Variants in FANCA observed in about 807,000 individuals in gnomAD.
FANCA encodes FA complementation group A.
A neutral mutation model predicts 194.3 loss-of-function variants in FANCA; 236 were observed. That is an observed-to-expected ratio of 1.21 (90% CI 1.09 to 1.35). The LOEUF (loss-of-function observed/expected upper bound fraction) is 1.35, where lower values mean the gene tolerates loss of function less well. FANCA is among the 40% of genes most tolerant of loss of function. The pLI is 0.00. For synonymous variants in FANCA, 1,014 were observed against 715.8 expected (o/e 1.42, Z -6.65); for missense variants, 2,628 against 1,813.9 (o/e 1.45, Z -8.15).
At position 89,792,505 on chromosome 16, in the gene FANCA, C is replaced by T. The variant is rs199967286; in HGVS notation, c.1049G>A (p.Arg350Gln). The T allele has an allele frequency of 1.6e-4, 264 of 1,613,430 alleles. 2 individuals are homozygous for T. The East Asian group carries it at 5.0e-3, about 31-fold the overall frequency. The change falls in exon 12 of 43, where the codon CGG (arginine) becomes CAG (glutamine). Residue 350 changes from arginine to glutamine, a missense_variant. Physicochemically the swap from Arg to Gln is conservative, Grantham distance 43 (BLOSUM62 1). Transcript: ENST00000389301. ...CAGTGAGGTGAGCAGAGGGTGTGTCCGCGCAAAGCTCCACTCTCTCTGCAT... is the reference window on the plus strand; with the variant it reads ...CAGTGAGGTGAGCAGAGGGTGTGTCTGCGCAAAGCTCCACTCTCTCTGCAT... The part of the protein sequence containing the change: ...VQMQREWSFA[R>Q]THPLLTSLYR...
intron 10 of FANCA, 122 bp from the exon 11 acceptor site, chr16:89,796,140 G>A: frequency 1.3e-6 from 1 of 761,238 alleles, no homozygotes; most frequent in Non-Finnish European, 2.3e-6. Flanking sequence ...GGCTTTCTTG[G>A]CCAGGCCACT....
chr16:89,738,781 G>A (rs1219566699), intron 42 of FANCA, 73 bp from the exon 43 acceptor site: 4 of 1,612,684 alleles, frequency 2.5e-6, no homozygotes, highest in South Asian at 1.1e-5. Flanking sequence ...GGCTCTGGCA[G>A]AAATAGTCGA....
intron 20 of FANCA, 38 bp from the exon 21 acceptor site, chr16:89,775,853 G>A (rs755924679): frequency 2.2e-6 from 3 of 1,376,002 alleles, no homozygotes; most frequent in Non-Finnish European, 2.1e-6. Context: ...AGTCAGCTAT[G>A]GCTTAAATTA....
chr16:89,790,739 C>CAA (rs760772909), intron 14 of FANCA, among the ~76,000 whole-genome samples: 1 of 134,992 alleles, frequency 7.4e-6, no homozygotes, highest in Non-Finnish European at 1.6e-5. Context: ...GACTCCATCT[C>CAA]AAAAAAAAAA....
At chr16:89,798,150 G>A (rs2040312098) in intron 10 of FANCA, among the ~76,000 whole-genome samples, 1 of 152,116 alleles carries the variant, frequency 6.6e-6, no homozygotes, top group Non-Finnish European at 1.5e-5. Context: ...CAGAGGGCTT[G>A]CTCTCCCCTC....
rs2062027513 is a variant in FANCA, at chr16:89,738,576, G to A, written c.*25C>T. The A allele has an allele frequency of 1.9e-6, 3 of 1,612,946 alleles. No individual in the cohort carries two copies. The highest frequency in any genetic ancestry group is 1.3e-5 in the African/African-American group (1 of 74,912). On this transcript the variant is annotated 3_prime_UTR_variant, in exon 43 of 43. Coordinates refer to ENST00000389301, the MANE Select transcript of FANCA (RefSeq NM_000135.4). ...TAATAAATTATTTACACGGGAGCTGGGCTGGTGTGCAGTGGCAGGTCCCGT... is the reference window on the plus strand; with the variant it reads ...TAATAAATTATTTACACGGGAGCTGAGCTGGTGTGCAGTGGCAGGTCCCGT...
chr16:89,762,006 C>G lies in FANCA; in HGVS notation c.2795G>C (p.Trp932Ser). 1 of 1,613,870 alleles carries G rather than the reference C, an allele frequency of 6.2e-7. No individual in the cohort carries two copies. Among genetic ancestry groups the G allele is most frequent in the South Asian group, 1.1e-5 (1 of 91,076 alleles). ...EEDVHLTYQD[W>S]LHLELEIQPE... The stretch of plus-strand genomic sequence containing the variant: ...TTGAATTTCCAGCTCCAGGTGTAAC[C>G]AGTCTTGGTAAGTTAACTGAGAAAG... The change falls in exon 29 of 43, where the codon TGG (tryptophan) becomes TCG (serine). Residue 932 changes from tryptophan to serine, a missense_variant. Physicochemically the swap from Trp to Ser is radical, Grantham distance 177. Coordinates refer to ENST00000389301, the MANE Select transcript of FANCA (RefSeq NM_000135.4).
At chr16:89,760,979 C>A (rs574858136) in intron 29 of FANCA, among the ~76,000 whole-genome samples, 1 of 152,208 alleles carries the variant, frequency 6.6e-6, no homozygotes, top group Non-Finnish European at 1.5e-5. Flanking sequence ...TTATACGTGC[C>A]ACATCTGCCC....
intron 26 of FANCA, among the ~76,000 whole-genome samples, chr16:89,767,828 A>G (rs988998212): frequency 2.0e-4 from 30 of 152,124 alleles, no homozygotes; most frequent in African/African-American, 6.8e-4. Flanking sequence ...GCTTACAGGC[A>G]TGAGTCACTG....
rs755293596 is a variant in FANCA, at chr16:89,773,285, G to A, written c.2000C>T (p.Pro667Leu). ...TCCATCCTCACCATCACGCTGGCTGGGGTCTGTCATGGAGGCTCTCAGCTC... is the reference window on the plus strand; with the variant it reads ...TCCATCCTCACCATCACGCTGGCTGAGGTCTGTCATGGAGGCTCTCAGCTC... Reference protein sequence around the residue: ...LGELRASMTDPSQRDVISAQV... With the variant: ...LGELRASMTDLSQRDVISAQV... Residue 667 changes from proline to leucine, a missense_variant, in exon 22 of 43, where the codon CCC becomes CTC. Coordinates refer to ENST00000389301, the MANE Select transcript of FANCA (RefSeq NM_000135.4). The A allele has an allele frequency of 6.4e-7, 1 of 1,550,912 alleles. No individual in the cohort carries two copies. Among genetic ancestry groups the A allele is most frequent in the Non-Finnish European group, 8.7e-7 (1 of 1,146,712 alleles).
In FANCA at chr16:89,775,891, T is replaced by C. The variant is rs150739896; in HGVS notation, c.1827-76A>G. 4.1e-4 allele frequency: 372 copies of C among 908,582 alleles called. 3 individuals carry two copies. In the African/African-American group the frequency reaches 4.9e-3, roughly 12 times the overall value. The allele number at this position is 908,582 out of a possible 1,614,324, so 56.3% of individuals were successfully genotyped here. The stretch of plus-strand genomic sequence containing the variant: ...TCAAGATTACAATCCCCAAATCTAT[T>C]ATAAAATAAAAACATATTAAATTTA... On this transcript the variant is annotated intron_variant, in intron 20 of 42. Coordinates refer to ENST00000389301, the MANE Select transcript of FANCA (RefSeq NM_000135.4).
At chr16:89,779,130 T>A (rs2039616703) in intron 18 of FANCA, 127 bp from the exon 19 acceptor site, 4 of 864,744 alleles carry the variant, frequency 4.6e-6, no homozygotes, top group Admixed American at 4.0e-5. Context: ...CATTATGAAG[T>A]CTTCTTGTGC....
intron 20 of FANCA, chr16:89,778,573 A>G (rs1598126477): frequency 4.0e-6 from 2 of 498,328 alleles, no homozygotes; most frequent in Non-Finnish European, 7.0e-6. Flanking sequence ...GGTTGCAGTG[A>G]GCCAAGATCT....
intron 3 of FANCA, among the ~76,000 whole-genome samples, chr16:89,812,656 A>AAC (rs1412042255): frequency 0.011 from 1,515 of 141,440 alleles, 34 homozygotes; most frequent in Non-Finnish European, 0.017. Context: ...CAAAAAAAAA[A>AAC]AAAAAAAAAA....
intron 20 of FANCA, chr16:89,778,600 G>C (rs2039593447): frequency 3.8e-6 from 2 of 523,634 alleles, no homozygotes; most frequent in Non-Finnish European, 6.4e-6. Context: ...TGCACTCCAA[G>C]CCTGGGTGAC....
chr16:89,770,332 C>A, intron 24 of FANCA, 73 bp from the exon 25 acceptor site: 1 of 1,356,568 alleles, frequency 7.4e-7, no homozygotes. Context: ...CTAATCCAAC[C>A]ACCAGCGGCC....
chr16:89,756,391 G>A (rs1419273962), intron 30 of FANCA, among the ~76,000 whole-genome samples: 1 of 152,292 alleles, frequency 6.6e-6, no homozygotes, highest in East Asian at 1.9e-4. Flanking sequence ...CACTTTGGGA[G>A]GCCGAGGCGG....
chr16:89,764,872 G>C lies in FANCA; in HGVS notation c.2778+18C>G, dbSNP rs368370420. 2.0e-5 allele frequency: 33 copies of C among 1,613,226 alleles called. No individual in the cohort carries two copies. The highest frequency in any genetic ancestry group is 2.8e-5 in the Non-Finnish European group (33 of 1,179,536). On this transcript the variant is annotated intron_variant, in intron 28 of 42. Coordinates refer to ENST00000389301, the MANE Select transcript of FANCA (RefSeq NM_000135.4). ...ACTCAGGACGTGGCATGATGCAGGA[G>C]AAGGAACGGTCACCTACGTGAACAT...
intron 21 of FANCA, among the ~76,000 whole-genome samples, chr16:89,773,762 G>A (rs2039402660): frequency 6.6e-6 from 1 of 151,220 alleles, no homozygotes. Context: ...TTAGTCCCCT[G>A]GTTCCTCAAA....
Sources: allele counts gnomAD v4.1 joint callset (sites outside exome capture counted in the v4.1 genomes callset), GRCh38; gene constraint gnomAD v4.1.1; transcripts MANE v1.5; gene names NCBI Gene and HGNC (gene_info 2026-07-23, HGNC 2026-07-21).